PTPRD: variants seen among roughly 807,000 people sequenced by gnomAD.
PTPRD encodes receptor-type tyrosine-protein phosphatase delta.
A neutral mutation model predicts 214.5 loss-of-function variants in PTPRD; 34 were observed. The observed-to-expected ratio is 0.16, with a 90% CI of 0.12 to 0.21. PTPRD has a LOEUF of 0.21. Ranked by LOEUF, PTPRD falls within the 10% of genes least tolerant of loss-of-function variation. PTPRD has a pLI of 1.00. For missense variants in PTPRD, 2,545 were observed against 2,398.7 expected, an observed-to-expected ratio of 1.06 and a Z score of -1.27; for synonymous variants, 1,128 against 845.7, an observed-to-expected ratio of 1.33 and a Z score of -5.79.
intron 36 of PTPRD, 41 bp downstream of exon 36, chr9:8,404,496 C>A: frequency 6.3e-7 from 1 of 1,586,122 alleles, no homozygotes; most frequent in Non-Finnish European, 8.6e-7. Context: ...ATACTCAAAT[C>A]CATGAAAATA....
chr9:9,946,491 G>GT, intron 4 of PTPRD, among the ~76,000 whole-genome samples: 1 of 152,144 alleles, frequency 6.6e-6, no homozygotes, highest in East Asian at 1.9e-4. Flanking sequence ...AAGAGTGCAG[G>GT]GTTCAATAGC....
At chr9:10,522,238 T>C (rs1368744377) in intron 2 of PTPRD, among the ~76,000 whole-genome samples, 3 of 152,148 alleles carry the variant, frequency 2.0e-5, no homozygotes, top group African/African-American at 4.8e-5. Flanking sequence ...GACTATTCTT[T>C]GTAAACTAAT....
intron 10 of PTPRD, chr9:9,090,809 A>T: frequency 1.4e-6 from 1 of 709,002 alleles, no homozygotes; most frequent in Non-Finnish European, 2.6e-6. Context: ...AATAACTCTT[A>T]ATGACATCTC....
chr9:8,320,071 C>T, intron 44 of PTPRD, 105 bp from the exon 45 acceptor site: 2 of 1,355,178 alleles, frequency 1.5e-6, no homozygotes, highest in South Asian at 3.1e-5. Context: ...CTCCGTATCT[C>T]TTTATAGCCA....
intron 3 of PTPRD, among the ~76,000 whole-genome samples, chr9:10,271,879 A>AT (rs1049611933): frequency 9.1e-4 from 137 of 150,842 alleles, no homozygotes; most frequent in Middle Eastern, 6.8e-3. Flanking sequence ...TTCTTCTTTG[A>AT]TTTTTTTTTA....
intron 8 of PTPRD, among the ~76,000 whole-genome samples, chr9:9,431,898 T>C (rs2083288277): frequency 1.1e-5 from 1 of 92,332 alleles, no homozygotes; most frequent in African/African-American, 4.3e-5. Flanking sequence ...CACCGCGGCC[T>C]GTTGTGGGGT....
At chr9:10,506,715 T>A (rs939045526) in intron 2 of PTPRD, among the ~76,000 whole-genome samples, 1 of 152,166 alleles carries the variant, frequency 6.6e-6, no homozygotes, top group African/African-American at 2.4e-5. Context: ...CTGCAATCAG[T>A]GACATTTCTT....
intron 2 of PTPRD, among the ~76,000 whole-genome samples, chr9:10,547,893 T>C (rs2060497028): frequency 6.6e-6 from 1 of 152,082 alleles, no homozygotes; most frequent in Admixed American, 6.6e-5. Flanking sequence ...GGATCGTGTT[T>C]TAATAGAGAT....
In PTPRD at chr9:8,483,991, A is replaced by T. The variant is rs2096945251; in HGVS notation, c.3413+128T>A. ...AAAGAACTCGGATAGCAAAACTGGG[A>T]GTCTGAGCAGAAGAATCTTTCACTA... On this transcript the variant is annotated intron_variant, in intron 30 of 45. Transcript: ENST00000381196. 2.4e-5 allele frequency: 29 copies of T among 1,205,268 alleles called. No individual in the cohort carries two copies. In the South Asian group the frequency reaches 4.6e-4, roughly 19 times the overall value. 74.7% of individuals were successfully genotyped at this position (1,205,268 alleles called of 1,614,324 possible).
At chr9:9,764,003 A>G (rs2154477726) in intron 6 of PTPRD, among the ~76,000 whole-genome samples, 1 of 152,154 alleles carries the variant, frequency 6.6e-6, no homozygotes, top group Admixed American at 6.5e-5. Context: ...ATTAAAATTT[A>G]TTTTATATTT....
In PTPRD at chr9:8,812,501, G is replaced by A. The variant is rs150430194; in HGVS notation, c.-103-78555C>T. On this transcript the variant is annotated intron_variant, in intron 11 of 45. Transcript: ENST00000381196. ...ACTCTCAAAGGGAGAAATAATTTCC[G>A]TAGATGATAAAGTTATTTAATATAT... Among the ~76,000 whole-genome samples the A allele has an allele frequency of 3.3e-3, 499 of 152,214 alleles. 2 individuals carry two copies. The highest frequency in any genetic ancestry group is 5.6e-3 in the Non-Finnish European group (382 of 68,010).
At position 9,320,559 on chromosome 9, in the gene PTPRD, T is replaced by G. The variant is rs558966665; in HGVS notation, c.-203+76890A>C. 2.0e-5 allele frequency among the ~76,000 whole-genome samples: 3 copies of G among 152,080 alleles called. No individual in the cohort carries two copies. In the East Asian group the frequency reaches 5.8e-4, roughly 29 times the overall value. ...TACATCTGTAGTACACACCAGTCCT[T>G]TACACCGACTCTCTGAGGAAAACTA... is the stretch of plus-strand genomic sequence containing the variant. On this transcript the variant is annotated intron_variant, in intron 9 of 45. Transcript: ENST00000381196.
intron 2 of PTPRD, among the ~76,000 whole-genome samples, chr9:10,412,152 A>C (rs1207750731): frequency 6.6e-6 from 1 of 151,812 alleles, no homozygotes; most frequent in Non-Finnish European, 1.5e-5. Context: ...TTTGAAGACT[A>C]ATTCCTCAAC....
chr9:8,887,341 C>T (rs1439005245), intron 11 of PTPRD, among the ~76,000 whole-genome samples: 1 of 152,130 alleles, frequency 6.6e-6, no homozygotes, highest in African/African-American at 2.4e-5. Context: ...TAAAAACCAT[C>T]GTGGCAGTGA....
chr9:8,608,911 G>C (rs1361312352), intron 14 of PTPRD, among the ~76,000 whole-genome samples: 1 of 152,106 alleles, frequency 6.6e-6, no homozygotes, highest in Middle Eastern at 3.2e-3. Flanking sequence ...AAGTCAAGTG[G>C]TTGAGGCATT....
intron 2 of PTPRD, among the ~76,000 whole-genome samples, chr9:10,488,238 G>A (rs1165766630): frequency 6.6e-6 from 1 of 151,774 alleles, no homozygotes; most frequent in Non-Finnish European, 1.5e-5. Flanking sequence ...GCGGTGGCGG[G>A]CGCCTGTAGT....
chr9:9,843,849 T>A (rs572860641), intron 5 of PTPRD, among the ~76,000 whole-genome samples: 2 of 152,166 alleles, frequency 1.3e-5, no homozygotes, highest in African/African-American at 2.4e-5. Context: ...GTTAACTGAT[T>A]GATGGAATTT....
At chr9:9,472,315 T>C (rs1299569848) in intron 8 of PTPRD, among the ~76,000 whole-genome samples, 2 of 151,054 alleles carry the variant, frequency 1.3e-5, no homozygotes, top group Middle Eastern at 3.4e-3. Context: ...GCCATTCTCC[T>C]GCCTCAGCCT....
At chr9:10,301,761 T>C (rs2095868636) in intron 3 of PTPRD, among the ~76,000 whole-genome samples, 1 of 152,102 alleles carries the variant, frequency 6.6e-6, no homozygotes, top group Admixed American at 6.5e-5. Flanking sequence ...CCAGGAAATA[T>C]GGGACTATGT....
Sources: allele counts gnomAD v4.1 joint callset (sites outside exome capture counted in the v4.1 genomes callset), GRCh38; gene constraint gnomAD v4.1.1; transcripts MANE v1.5; gene names NCBI Gene and HGNC (gene_info 2026-07-23, HGNC 2026-07-21).